KIRREL3: variants seen among roughly 807,000 people sequenced by gnomAD.
KIRREL3 encodes the protein kirre like nephrin family adhesion molecule 3.
In KIRREL3, 36 loss-of-function variants were observed where a neutral mutation model predicts 89.7. The observed-to-expected ratio is 0.40, with a 90% CI of 0.31 to 0.53. KIRREL3 has a LOEUF of 0.53. Ranked by LOEUF, KIRREL3 falls within the 20% of genes least tolerant of loss-of-function variation. KIRREL3 has a pLI of 0.49. For missense variants in KIRREL3, 864 were observed against 1,056.6 expected (o/e 0.82, Z 2.53); for synonymous variants, 445 against 441.4 (o/e 1.01, Z -0.10).
intron 1 of KIRREL3, among the ~76,000 whole-genome samples, chr11:126,665,061 C>T (rs893142598): frequency 2.0e-4 from 30 of 152,314 alleles, no homozygotes; most frequent in African/African-American, 7.0e-4. Context: ...GCTAAGTGCA[C>T]AGCAGATTAC....
intron 1 of KIRREL3, among the ~76,000 whole-genome samples, chr11:126,827,628 A>G (rs1943462543): frequency 6.6e-6 from 1 of 152,244 alleles, no homozygotes; most frequent in Admixed American, 6.5e-5. Context: ...GATTTCTAAA[A>G]CCATATAATG....
intron 8 of KIRREL3, among the ~76,000 whole-genome samples, chr11:126,447,230 C>T (rs540772217): frequency 3.9e-5 from 6 of 152,346 alleles, no homozygotes; most frequent in African/African-American, 9.6e-5. Flanking sequence ...GTCTGGATCA[C>T]GCCCGGTGCT....
intron 1 of KIRREL3, among the ~76,000 whole-genome samples, chr11:126,619,083 G>A (rs766611248): frequency 3.3e-5 from 5 of 152,226 alleles, no homozygotes; most frequent in Non-Finnish European, 5.9e-5. Flanking sequence ...ATGCATTGGA[G>A]ATAATGAGAC....
rs1406602135 is a variant in KIRREL3, at chr11:126,496,964, G to A, written c.434-23498C>T. ...AGGAGGAGGCCCACCCTTGCTGTAG[G>A]GAAATGGCCAAGGAAATGCACCCCA... On this transcript the variant is annotated intron_variant, in intron 4 of 16. Coordinates refer to ENST00000525144, the MANE Select transcript of KIRREL3 (RefSeq NM_032531.4). The surrounding 1 kb of genome is among the most constrained non-coding windows in gnomAD (Gnocchi z 4.9). Among the ~76,000 whole-genome samples the A allele has an allele frequency of 6.6e-6, 1 of 152,142 alleles. No homozygotes were observed. Among genetic ancestry groups the A allele is most frequent in the Non-Finnish European group, 1.5e-5 (1 of 68,020 alleles).
intron 1 of KIRREL3, among the ~76,000 whole-genome samples, chr11:126,663,545 T>C (rs1945519297): frequency 6.6e-6 from 1 of 152,192 alleles, no homozygotes; most frequent in Non-Finnish European, 1.5e-5. Flanking sequence ...TGGTTTCTAC[T>C]ACACAGGGAG....
chr11:126,977,866 G>A lies in KIRREL3; in HGVS notation c.55+22589C>T, dbSNP rs190676981. Among the ~76,000 whole-genome samples, 1 of 152,282 alleles carries A rather than the reference G, an allele frequency of 6.6e-6. No individual in the cohort carries two copies. The highest frequency in any genetic ancestry group is 6.5e-5 in the Admixed American group (1 of 15,288). On this transcript the variant is annotated intron_variant, in intron 1 of 16. Transcript: ENST00000525144. This position sits in a 1 kb window ranked among gnomAD's most constrained non-coding sequence, Gnocchi z 4.7. ...GCTGGAACTGGCTCCTGTGCCTGAT[G>A]TATGGTTGATATTTTGGATCAGGAA...
chr11:126,787,741 C>A (rs1950523621), intron 1 of KIRREL3, among the ~76,000 whole-genome samples: 1 of 152,176 alleles, frequency 6.6e-6, no homozygotes, highest in South Asian at 2.1e-4. Context: ...TCAGCTTGTG[C>A]CTTTGTTTCT....
chr11:126,721,602 G>A (rs187633950), intron 1 of KIRREL3, among the ~76,000 whole-genome samples: 2 of 152,176 alleles, frequency 1.3e-5, no homozygotes, highest in East Asian at 1.9e-4. Flanking sequence ...CACAGTGCAT[G>A]GCACAGAGTA....
rs1451898553 is a variant in KIRREL3 at position 126,723,743 on chromosome 11, A to T, written c.56-160831T>A. Among the ~76,000 whole-genome samples, 2 of 152,232 alleles carry T rather than the reference A, an allele frequency of 1.3e-5. No individual in the cohort carries two copies. Among genetic ancestry groups the T allele is most frequent in the African/African-American group, 4.8e-5 (2 of 41,472 alleles). The stretch of plus-strand genomic sequence containing the variant: ...TAATTTTCATTGAGTTACATAAATG[A>T]TACAATATGAAAAGAGAAGGGAAGA... On this transcript the variant is annotated intron_variant, in intron 1 of 16. Coordinates refer to ENST00000525144, the MANE Select transcript of KIRREL3 (RefSeq NM_032531.4). The surrounding 1 kb of genome is among the most constrained non-coding windows in gnomAD (Gnocchi z 4.0).
rs1957084571 is a variant in KIRREL3, at chr11:126,476,955, C to G, written c.434-3489G>C. Among the ~76,000 whole-genome samples the G allele has an allele frequency of 2.0e-5, 3 of 152,350 alleles. No individual in the cohort carries two copies. In the South Asian group the frequency reaches 6.2e-4, roughly 32 times the overall value. ...ATCACAAGGAAGGTGGAGGCGTTAGCCTTTTCGTGATTAATCCGGAGATAA... is the reference window on the plus strand; with the variant it reads ...ATCACAAGGAAGGTGGAGGCGTTAGGCTTTTCGTGATTAATCCGGAGATAA... On this transcript the variant is annotated intron_variant, in intron 4 of 16. Coordinates refer to ENST00000525144, the MANE Select transcript of KIRREL3 (RefSeq NM_032531.4). This position sits in a 1 kb window ranked among gnomAD's most constrained non-coding sequence, Gnocchi z 6.4.
intron 1 of KIRREL3, among the ~76,000 whole-genome samples, chr11:126,853,959 C>T (rs1267308291): frequency 6.6e-6 from 1 of 152,050 alleles, no homozygotes; most frequent in Non-Finnish European, 1.5e-5. Flanking sequence ...ATTATTCAAC[C>T]CTTTGCATCA....
rs896219609 is a variant in KIRREL3 at position 126,783,185 on chromosome 11, C to T, written c.55+217270G>A. 1.3e-5 allele frequency among the ~76,000 whole-genome samples: 2 copies of T among 152,122 alleles called. No homozygotes were observed. ...TGAAACCTGGAGGAGAGAATCCTTC[C>T]TTGCATTGTCCTGTTTTCTGGTGAT... On this transcript the variant is annotated intron_variant, in intron 1 of 16. Coordinates refer to ENST00000525144, the MANE Select transcript of KIRREL3 (RefSeq NM_032531.4). This position sits in a 1 kb window ranked among gnomAD's most constrained non-coding sequence, Gnocchi z 4.3.
rs909878282 is a variant in KIRREL3 at position 126,876,497 on chromosome 11, C to T, written c.55+123958G>A. The stretch of plus-strand genomic sequence containing the variant: ...CTGCTCACTGTTGCACCTGATACAC[C>T]TATCCTAGTGCTTGGCTTACAGTAC... On this transcript the variant is annotated intron_variant, in intron 1 of 16. Coordinates refer to ENST00000525144, the MANE Select transcript of KIRREL3 (RefSeq NM_032531.4). This position sits in a 1 kb window ranked among gnomAD's most constrained non-coding sequence, Gnocchi z 4.1. Among the ~76,000 whole-genome samples the T allele has an allele frequency of 2.0e-5, 3 of 152,076 alleles. No individual in the cohort carries two copies. The highest frequency in any genetic ancestry group is 2.1e-4 in the South Asian group (1 of 4,804).
intron 1 of KIRREL3, among the ~76,000 whole-genome samples, chr11:126,880,978 C>A (rs1945473253): frequency 6.6e-6 from 1 of 152,176 alleles, no homozygotes; most frequent in Admixed American, 6.5e-5. Context: ...GTGTGTTTAT[C>A]AAAATGTTAA....
chr11:126,469,347 C>G (rs1026532751), intron 5 of KIRREL3, among the ~76,000 whole-genome samples: 2 of 152,222 alleles, frequency 1.3e-5, no homozygotes, highest in Non-Finnish European at 2.9e-5. Context: ...GCTTCTCTTC[C>G]TCTCTGCGGC....
chr11:126,981,504 A>G lies in KIRREL3; in HGVS notation c.55+18951T>C, dbSNP rs559025416. ...GTACCTTCCTAAGTCACTAAGGAAG[A>G]GCTAAACACATGGTCCCTGTTTCAC... is the stretch of plus-strand genomic sequence containing the variant. On this transcript the variant is annotated intron_variant, in intron 1 of 16. Transcript: ENST00000525144. The surrounding 1 kb of genome is among the most constrained non-coding windows in gnomAD (Gnocchi z 4.2). Among the ~76,000 whole-genome samples, 4 of 152,348 alleles carry G rather than the reference A, an allele frequency of 2.6e-5. No individual in the cohort carries two copies. The South Asian group carries it at 8.3e-4, about 32-fold the overall frequency.
At chr11:126,893,285 G>C (rs1647463029) in intron 1 of KIRREL3, among the ~76,000 whole-genome samples, 1 of 152,196 alleles carries the variant, frequency 6.6e-6, no homozygotes, top group Admixed American at 6.5e-5. Flanking sequence ...ATTTTATCCA[G>C]TTCAGTGCCA....
rs112336449 is a variant in KIRREL3, at chr11:126,534,752, G to A, written c.134-8065C>T. The stretch of plus-strand genomic sequence containing the variant: ...GAGAGCCTGGGTCTGCCACCCCCTC[G>A]TGCCAAGTTCTCTGCCCTACCTGAG... On this transcript the variant is annotated intron_variant, in intron 2 of 16. Coordinates refer to ENST00000525144, the MANE Select transcript of KIRREL3 (RefSeq NM_032531.4). Among the ~76,000 whole-genome samples the A allele has an allele frequency of 7.3e-3, 1,106 of 152,296 alleles. 15 individuals carry two copies. The highest frequency in any genetic ancestry group is 0.025 in the African/African-American group (1,042 of 41,556).
At position 126,757,685 on chromosome 11, in the gene KIRREL3, G is replaced by A. The variant is rs149911899; in HGVS notation, c.56-194773C>T. Among the ~76,000 whole-genome samples the A allele has an allele frequency of 9.2e-5, 14 of 152,120 alleles. No homozygotes were observed. In the East Asian group the frequency reaches 9.7e-4, roughly 10 times the overall value. On this transcript the variant is annotated intron_variant, in intron 1 of 16. Transcript: ENST00000525144. ...TGTGTTGTTATAATAGGGCTCATGAGTGTCTATGTGCAGAATACCAAGATT... is the reference window on the plus strand; with the variant it reads ...TGTGTTGTTATAATAGGGCTCATGAATGTCTATGTGCAGAATACCAAGATT...
Sources: gnomAD v4.1 joint callset for allele counts (sites outside exome capture counted in the v4.1 genomes callset) on GRCh38, gnomAD v4.1.1 for gene constraint, Gnocchi (gnomAD v3.1) non-coding constraint, MANE v1.5 for transcripts, NCBI Gene and HGNC (gene_info 2026-07-23, HGNC 2026-07-21) for gene names.